Variants in GDA observed in about 807,000 individuals in gnomAD.
GDA encodes cytoplasmic PSD-95 interactor.
Under a neutral mutation model 59.6 loss-of-function variants are expected in GDA, and 18 were observed. The ratio of observed to expected loss-of-function variants is 0.30; its 90% CI spans 0.21 to 0.45. GDA has a LOEUF of 0.45. Ranked by LOEUF, GDA falls within the 20% of genes least tolerant of loss-of-function variation. The probability of loss-of-function intolerance (pLI) is 1.00; values close to 1 mark genes in which losing one functional copy is unlikely to be tolerated. For synonymous variants in GDA, 201 were observed against 201.1 expected, an observed-to-expected ratio of 1.00 and a Z score of 0.00; for missense variants, 427 against 552.3, an observed-to-expected ratio of 0.77 and a Z score of 2.27.
chr9:72,233,473 C>A (rs1838593423), intron 10 of GDA, among the ~76,000 whole-genome samples: 1 of 152,054 alleles, frequency 6.6e-6, no homozygotes, highest in Non-Finnish European at 1.5e-5. Context: ...TGAAAAAAAT[C>A]AGATTAAAAA....
chr9:72,234,798 TA>T (rs1838772270), intron 10 of GDA, among the ~76,000 whole-genome samples: 1 of 152,212 alleles, frequency 6.6e-6, no homozygotes, highest in African/African-American at 2.4e-5. Flanking sequence ...AAAAGTCAAT[TA>T]TCAACAAAAC....
chr9:72,211,390 C>T lies in GDA; in HGVS notation c.472+616C>T, dbSNP rs915376341. On this transcript the variant is annotated intron_variant, in intron 4 of 13. Coordinates refer to ENST00000358399, the MANE Select transcript of GDA (RefSeq NM_004293.5). ...CATGTTACAGATGGTTAGACTGACGCTCAGAGAGGATAAGTAACATGCCCA... is the reference window on the plus strand; with the variant it reads ...CATGTTACAGATGGTTAGACTGACGTTCAGAGAGGATAAGTAACATGCCCA... 2.0e-5 allele frequency among the ~76,000 whole-genome samples: 3 copies of T among 152,216 alleles called. No homozygotes were observed. In the East Asian group the frequency reaches 5.8e-4, roughly 29 times the overall value.
intron 1 of GDA, among the ~76,000 whole-genome samples, chr9:72,171,469 G>T (rs11143144): frequency 0.35 from 52,620 of 151,974 alleles, 10,259 homozygotes; most frequent in Non-Finnish European, 0.44. Flanking sequence ...TGTTCCTTTT[G>T]ATTTTGGTGA....
At chr9:72,151,242 A>G (rs1827163081) in intron 1 of GDA, among the ~76,000 whole-genome samples, 1 of 152,194 alleles carries the variant, frequency 6.6e-6, no homozygotes, top group Non-Finnish European at 1.5e-5. Flanking sequence ...GAAGTTATAA[A>G]TTTAGAAAAC....
intron 11 of GDA, among the ~76,000 whole-genome samples, chr9:72,242,806 C>CT (rs1245003827): frequency 6.6e-6 from 1 of 152,150 alleles, no homozygotes; most frequent in Non-Finnish European, 1.5e-5. Context: ...CTTTTCACAT[C>CT]TGAATCTGAG....
Position 72,250,788 on chromosome 9 carries a change from C to A in GDA, c.*2446C>A. ...CACTTACCAGCCTCCTCACCCCATC[C>A]TCCACCATTTCCTTAATGTTCCATG... is the stretch of plus-strand genomic sequence containing the variant. On this transcript the variant is annotated 3_prime_UTR_variant, in exon 14 of 14. Transcript: ENST00000358399. 1 of 1,609,138 alleles carries A rather than the reference C, an allele frequency of 6.2e-7. No individual in the cohort carries two copies. The highest frequency in any genetic ancestry group is 2.2e-5 in the East Asian group (1 of 44,852).
At chr9:72,165,803 G>T (rs539515444) in intron 1 of GDA, among the ~76,000 whole-genome samples, 1 of 151,822 alleles carries the variant, frequency 6.6e-6, no homozygotes, top group Non-Finnish European at 1.5e-5. Context: ...GAGGCTGAGG[G>T]GGGAGAACTG....
chr9:72,247,569 T>G, intron 13 of GDA, 136 bp downstream of exon 13: 1 of 631,522 alleles, frequency 1.6e-6, no homozygotes, highest in Non-Finnish European at 2.8e-6. Flanking sequence ...CATTATTTTT[T>G]TAACAGTCTG....
Position 72,248,922 on chromosome 9 carries a change from G to C in GDA, c.*580G>C. 1.0e-6 allele frequency: 1 copy of C among 985,922 alleles called. No homozygotes were observed. Among genetic ancestry groups the C allele is most frequent in the Non-Finnish European group, 1.2e-6 (1 of 829,970 alleles). 61.1% of individuals were successfully genotyped at this position (985,922 alleles called of 1,614,324 possible). A position where few individuals can be genotyped will look rare whatever the true frequency, so the allele number is the denominator to read the frequency against. On this transcript the variant is annotated 3_prime_UTR_variant, in exon 14 of 14. Transcript: ENST00000358399. ...TGTGTTTTAGAAATTTGCACTTAAT[G>C]GAATTTGCATTTCAGAGATGTGTTA...
chr9:72,223,633 T>C (rs78802543), intron 7 of GDA, among the ~76,000 whole-genome samples: 154 of 152,330 alleles, frequency 1.0e-3, no homozygotes, highest in Non-Finnish European at 1.9e-3. Flanking sequence ...CCAGCTATTA[T>C]TTGAAAAGCA....
At chr9:72,195,300 A>G (rs1833021594) in intron 1 of GDA, among the ~76,000 whole-genome samples, 200 bp from the exon 2 acceptor site, 1 of 149,826 alleles carries the variant, frequency 6.7e-6, no homozygotes, top group South Asian at 2.1e-4. Flanking sequence ...GGAATCACAC[A>G]CAGCTTGTCT....
At chr9:72,124,599 C>A (rs1296441141) in intron 1 of GDA, among the ~76,000 whole-genome samples, 1 of 152,072 alleles carries the variant, frequency 6.6e-6, no homozygotes, top group Non-Finnish European at 1.5e-5. Context: ...GATGTTGGCA[C>A]CTGTCAAACA....
rs1835026634 is a variant in GDA at position 72,208,814 on chromosome 9, ACCT to A, written c.385-1869_385-1867del. On this transcript the variant is annotated intron_variant, in intron 3 of 13. Transcript: ENST00000358399. ...ACAACTTATATGTACTTGTGGGAAG[ACCT>A]CCTTTTTAATTGCTAGAACATGAGC... 2.0e-5 allele frequency among the ~76,000 whole-genome samples: 3 copies of A among 152,214 alleles called. No homozygotes were observed. The South Asian group carries it at 6.2e-4, about 32-fold the overall frequency.
At chr9:72,213,579 G>A (rs558556944) in intron 4 of GDA, among the ~76,000 whole-genome samples, 18 of 151,886 alleles carry the variant, frequency 1.2e-4, no homozygotes, top group East Asian at 5.8e-4. Context: ...CGAGGCGGGC[G>A]GATCACAAGG....
intron 2 of GDA, among the ~76,000 whole-genome samples, chr9:72,198,289 C>T (rs1376079202): frequency 6.6e-6 from 1 of 151,890 alleles, no homozygotes; most frequent in Non-Finnish European, 1.5e-5. Flanking sequence ...CCTGTAATCC[C>T]AGCACTTTGG....
chr9:72,153,861 C>A, intron 1 of GDA, among the ~76,000 whole-genome samples: 1 of 146,218 alleles, frequency 6.8e-6, no homozygotes. Flanking sequence ...ATACCTAATG[C>A]TAAATGACGA....
At chr9:72,246,373 C>G (rs1375994005) in intron 12 of GDA, among the ~76,000 whole-genome samples, 1 of 152,186 alleles carries the variant, frequency 6.6e-6, no homozygotes, top group Non-Finnish European at 1.5e-5. Flanking sequence ...GTCTTGAACT[C>G]CTGACCTCAG....
At chr9:72,118,786 T>G (rs76904889) in intron 1 of GDA, among the ~76,000 whole-genome samples, 145 of 152,308 alleles carry the variant, frequency 9.5e-4, no homozygotes, top group Middle Eastern at 3.4e-3. Flanking sequence ...GCTCATATAC[T>G]GATGGTGAGA....
chr9:72,151,298 A>G (rs1056743430), intron 1 of GDA, among the ~76,000 whole-genome samples: 5 of 152,172 alleles, frequency 3.3e-5, no homozygotes, highest in African/African-American at 1.2e-4. Flanking sequence ...TTGAATACAA[A>G]GGTGAGTTAG....
Sources: allele counts gnomAD v4.1 joint callset (sites outside exome capture counted in the v4.1 genomes callset), GRCh38; gene constraint gnomAD v4.1.1; transcripts MANE v1.5; gene names NCBI Gene and HGNC (gene_info 2026-07-23, HGNC 2026-07-21).